Variants in PPM1D observed in about 807,000 individuals in gnomAD.
The protein encoded by PPM1D is protein phosphatase, Mg2+/Mn2+ dependent 1D.
A neutral mutation model predicts 58.3 loss-of-function variants in PPM1D; 52 were observed. That is an observed-to-expected ratio of 0.89 (90% CI 0.71 to 1.12). The LOEUF (loss-of-function observed/expected upper bound fraction) is 1.12, where lower values mean the gene tolerates loss of function less well. Ranked by LOEUF, PPM1D falls within the 50% of genes most tolerant of loss-of-function variation. PPM1D has a pLI of 0.00. For missense variants in PPM1D, 564 were observed against 777.2 expected (o/e 0.73, Z 3.26); for synonymous variants, 278 against 285.1 (o/e 0.98, Z 0.25).
Position 60,647,939 on chromosome 17 carries a change from C to T in PPM1D, c.874C>T (p.Pro292Ser). The T allele has an allele frequency of 6.2e-7, 1 of 1,613,630 alleles. No homozygotes were observed. The highest frequency in any genetic ancestry group is 8.5e-7 in the Non-Finnish European group (1 of 1,179,656). The change falls in exon 4 of 6, where the codon CCT becomes TCT. Residue 292 changes from proline (P) to serine (S), a missense_variant. Physicochemically the swap from Pro to Ser is moderately conservative, Grantham distance 74. Transcript: ENST00000305921. ...CTTCAGTGGTGAATTTGTGGTGTCACCTGAACCAGACACAAGTGTCCACAC... is the reference window on the plus strand; with the variant it reads ...CTTCAGTGGTGAATTTGTGGTGTCATCTGAACCAGACACAAGTGTCCACAC... ...DFFSGEFVVSPEPDTSVHTLD... is the reference protein window; with the variant it reads ...DFFSGEFVVSSEPDTSVHTLD...
chr17:60,610,076 C>T (rs539280648), intron 1 of PPM1D, among the ~76,000 whole-genome samples: 4 of 149,986 alleles, frequency 2.7e-5, no homozygotes, highest in South Asian at 2.1e-4. Flanking sequence ...GCTACTCAGG[C>T]GGCTGAGGCA....
intron 4 of PPM1D, among the ~76,000 whole-genome samples, chr17:60,651,525 G>A (rs1436239612): frequency 6.6e-6 from 1 of 151,622 alleles, no homozygotes; most frequent in African/African-American, 2.4e-5. Flanking sequence ...AGCCTCCCGA[G>A]TAGCTGGGAC....
chr17:60,655,877 T>A (rs939028701), intron 4 of PPM1D, among the ~76,000 whole-genome samples: 2 of 150,794 alleles, frequency 1.3e-5, no homozygotes, highest in Non-Finnish European at 3.0e-5. Context: ...AATTTTTTGT[T>A]TTTTTAGTAG....
rs531265452 is a variant in PPM1D, at chr17:60,629,798, G to A, written c.702-4055G>A. ...TACGCTTATAATCCCAGCACTTTGG[G>A]AGCCTGAGGCGGGCGGATCACCGGA... is the stretch of plus-strand genomic sequence containing the variant. On this transcript the variant is annotated intron_variant, in intron 2 of 5. Transcript: ENST00000305921. Among the ~76,000 whole-genome samples, 10 of 152,248 alleles carry A rather than the reference G, an allele frequency of 6.6e-5. No individual in the cohort carries two copies. The South Asian group carries it at 2.1e-3, about 32-fold the overall frequency.
At chr17:60,629,639 T>G (rs576465332) in intron 2 of PPM1D, among the ~76,000 whole-genome samples, 3 of 152,370 alleles carry the variant, frequency 2.0e-5, no homozygotes, top group Non-Finnish European at 4.4e-5. Flanking sequence ...CTATAATTTT[T>G]TTCCTGCTTA....
chr17:60,645,456 A>ATGTGTGTG lies in PPM1D; in HGVS notation c.827-2406_827-2399dup, dbSNP rs371276467. On this transcript the variant is annotated intron_variant, in intron 3 of 5. Transcript: ENST00000305921. The stretch of plus-strand genomic sequence containing the variant: ...TTCACCAAAGCAATGTAAAATATAT[A>ATGTGTGTG]TGTGTGTGTGTGTGTGTGTGTGTGT... Among the ~76,000 whole-genome samples the ATGTGTGTG allele has an allele frequency of 6.2e-3, 764 of 123,902 alleles. 9 individuals carry two copies. The highest frequency in any genetic ancestry group is 0.012 in the African/African-American group (385 of 32,006). 81.3% of individuals were successfully genotyped at this position (123,902 alleles called of 152,430 possible). A position where few individuals can be genotyped will look rare whatever the true frequency, so the allele number is the denominator to read the frequency against.
chr17:60,604,204 A>G (rs1457084976), intron 1 of PPM1D, among the ~76,000 whole-genome samples: 1 of 152,264 alleles, frequency 6.6e-6, no homozygotes, highest in African/African-American at 2.4e-5. Context: ...GTTTGTTAAT[A>G]TCACTGATCT....
chr17:60,652,901 ATGT>A (rs2031371954), intron 4 of PPM1D, among the ~76,000 whole-genome samples: 1 of 152,012 alleles, frequency 6.6e-6, no homozygotes, highest in Non-Finnish European at 1.5e-5. Flanking sequence ...AGCTCCTTAC[ATGT>A]TGTTAATTCC....
At chr17:60,613,910 C>A (rs2030519155) in intron 1 of PPM1D, among the ~76,000 whole-genome samples, 1 of 150,922 alleles carries the variant, frequency 6.6e-6, no homozygotes, top group Admixed American at 6.6e-5. Flanking sequence ...CGCCACCCCC[C>A]CGCCTCACAC....
chr17:60,645,512 GTATA>G lies in PPM1D; in HGVS notation c.827-2374_827-2371del, dbSNP rs543935194. 9.3e-4 allele frequency among the ~76,000 whole-genome samples: 122 copies of G among 131,096 alleles called. 1 individual carries two copies. Among genetic ancestry groups the G allele is most frequent in the East Asian group, 6.8e-4 (3 of 4,406 alleles). The allele number at this position is 131,096 out of a possible 152,430, so 86.0% of individuals were successfully genotyped here. ...TGTGTGTATGTGTATATATATATGT[GTATA>G]TATATGTATATATATATGTGTATAT... On this transcript the variant is annotated intron_variant, in intron 3 of 5. Transcript: ENST00000305921.
At chr17:60,639,432 C>A (rs1250877473) in intron 3 of PPM1D, among the ~76,000 whole-genome samples, 3 of 149,692 alleles carry the variant, frequency 2.0e-5, no homozygotes, top group East Asian at 2.0e-4. Context: ...ATTTTTAATT[C>A]TTCTTCTTCT....
rs766503109 is a variant in PPM1D, at chr17:60,623,522, G to C, written c.474G>C (p.Ala158=). ...GAAATATTTTATTTCTTATTACAGC[G>C]GAATGGCCAAAGACTATGACGGGTC... ...ACHLAMWKKL[A]EWPKTMTGLP... is the part of the protein sequence containing the mutation. The change falls in exon 2 of 6, where the codon GCG becomes GCC. Residue 158 remains alanine, a splice_region_variant and synonymous_variant. Coordinates refer to ENST00000305921, the MANE Select transcript of PPM1D (RefSeq NM_003620.4). 1 of 1,603,808 alleles carries C rather than the reference G, an allele frequency of 6.2e-7. No individual in the cohort carries two copies.
chr17:60,656,496 G>T, intron 4 of PPM1D, 103 bp from the exon 5 acceptor site: 1 of 1,421,190 alleles, frequency 7.0e-7, no homozygotes, highest in Non-Finnish European at 9.4e-7. Flanking sequence ...TGGGAGCTTT[G>T]TTTGGGCCAC....
rs529966897 is a variant in PPM1D, at chr17:60,656,466, G to A, written c.1018-133G>A. ...AGACTCTGTCTCAAAAAAAAAAAAA[G>A]AGAAAAGAAAAAAAAAAATTGGGAG... On this transcript the variant is annotated intron_variant, in intron 4 of 5. Transcript: ENST00000305921. The A allele has an allele frequency of 4.0e-5, 46 of 1,147,034 alleles. No individual in the cohort carries two copies. The African/African-American group carries it at 5.7e-4, about 14-fold the overall frequency. 71.1% of individuals were successfully genotyped at this position (1,147,034 alleles called of 1,614,324 possible).
At chr17:60,662,710 G>A (rs1335858166) in intron 5 of PPM1D, among the ~76,000 whole-genome samples, 1 of 152,064 alleles carries the variant, frequency 6.6e-6, no homozygotes, top group African/African-American at 2.4e-5. Context: ...AAATGCTTGT[G>A]ACCACGTGAA....
intron 3 of PPM1D, among the ~76,000 whole-genome samples, chr17:60,647,583 A>G (rs1279404571): frequency 6.6e-6 from 1 of 152,172 alleles, no homozygotes; most frequent in Non-Finnish European, 1.5e-5. Context: ...GACTCAGTAT[A>G]GTATTAGAAG....
At chr17:60,612,850 GGTCAAAC>G (rs2030488457) in intron 1 of PPM1D, among the ~76,000 whole-genome samples, 1 of 151,978 alleles carries the variant, frequency 6.6e-6, no homozygotes, top group East Asian at 1.9e-4. Context: ...CTTTTGCAGT[GGTCAAAC>G]TATGTAATAG....
Position 60,663,107 on chromosome 17 carries a change from G to A in PPM1D, c.1373G>A (p.Arg458Gln), listed in dbSNP as rs371199697. The A allele has an allele frequency of 8.7e-6, 14 of 1,614,128 alleles. No individual in the cohort carries two copies. Among genetic ancestry groups the A allele is most frequent in the Non-Finnish European group, 1.1e-5 (13 of 1,179,986 alleles). Residue 458 changes from arginine to glutamine, a missense_variant, in exon 6 of 6, where the codon CGA (arginine) becomes CAA (glutamine). Physicochemically the swap from Arg to Gln is conservative, Grantham distance 43. Transcript: ENST00000305921. ...NFLEVSAEIA[R>Q]ENVQGVVIPS... ...TTAGAGGTTTCAGCTGAGATAGCTCGAGAGAATGTCCAAGGTGTAGTCATA... is the reference window on the plus strand; with the variant it reads ...TTAGAGGTTTCAGCTGAGATAGCTCAAGAGAATGTCCAAGGTGTAGTCATA...
intron 1 of PPM1D, among the ~76,000 whole-genome samples, chr17:60,621,605 C>T (rs868155802): frequency 2.2e-5 from 3 of 137,570 alleles, no homozygotes; most frequent in East Asian, 2.1e-4. Context: ...CTCGCTCTGT[C>T]GCCCAGGCCA....
Sources: gnomAD v4.1 joint callset for allele counts (sites outside exome capture counted in the v4.1 genomes callset) on GRCh38, gnomAD v4.1.1 for gene constraint, MANE v1.5 for transcripts, NCBI Gene and HGNC (gene_info 2026-07-23, HGNC 2026-07-21) for gene names.